The following MACIR variants were observed in gnomAD, a reference collection of about 807,000 sequenced individuals.
MACIR encodes the protein macrophage immunometabolism regulator.
Under a neutral mutation model 14.3 loss-of-function variants are expected in MACIR, and 4 were observed. The observed-to-expected ratio is 0.28, with a 90% CI of 0.14 to 0.64. MACIR has a LOEUF of 0.64. MACIR is among the 30% of genes least tolerant of loss of function. MACIR has a pLI of 0.83. For missense variants in MACIR, 228 were observed against 257.6 expected, an observed-to-expected ratio of 0.89 and a Z score of 0.79; for synonymous variants, 101 against 102.4, an observed-to-expected ratio of 0.99 and a Z score of 0.08.
At chr5:103,259,405 G>C (rs1804584613) in intron 1 of MACIR, 1 of 152,160 alleles carries the variant, frequency 6.6e-6, no homozygotes, top group South Asian at 2.1e-4. Flanking sequence ...GCGTTGGCGC[G>C]CACGCTCGCT....
Position 103,276,166 on chromosome 5 carries a change from A to G in MACIR, c.247A>G (p.Ser83Gly). Residue 83 changes from serine to glycine, a missense_variant, in exon 3 of 3, where the codon AGC becomes GGC. Coordinates refer to ENST00000319933, the MANE Select transcript of MACIR (RefSeq NM_033211.4). ...LAQKCTGGEE[S>G]KAEAMPSLRS... ...TCAGAAGTGCACAGGAGGTGAAGAG[A>G]GCAAAGCAGAAGCCATGCCATCCTT... is the stretch of plus-strand genomic sequence containing the variant. The G allele has an allele frequency of 6.2e-7, 1 of 1,613,902 alleles. No homozygotes were observed. Among genetic ancestry groups the G allele is most frequent in the Non-Finnish European group, 8.5e-7 (1 of 1,179,986 alleles).
Position 103,269,946 on chromosome 5 carries a change from A to C in MACIR, c.-24+3949A>C, listed in dbSNP as rs138928448. On this transcript the variant is annotated intron_variant, in intron 2 of 2. Transcript: ENST00000319933. ...ACATTTAGTTTGTAAATTTCTTTAA[A>C]GAGGTATCTAAGTGTTTTAAGTGAG... Among the ~76,000 whole-genome samples, 94 of 152,328 alleles carry C rather than the reference A, an allele frequency of 6.2e-4. 1 individual carries two copies. The highest frequency in any genetic ancestry group is 2.2e-3 in the African/African-American group (92 of 41,580).
At chr5:103,268,809 C>G (rs558041543) in intron 2 of MACIR, among the ~76,000 whole-genome samples, 2 of 151,880 alleles carry the variant, frequency 1.3e-5, no homozygotes, top group South Asian at 4.2e-4. Context: ...TAATTATGGG[C>G]ATTAACTATC....
chr5:103,276,692 A>G lies in MACIR; in HGVS notation c.*152A>G. ...TAAAAATTGTTTGGGTCAAATTTGAATACAGGAATGAAATCACAGGTACTT... is the reference window on the plus strand; with the variant it reads ...TAAAAATTGTTTGGGTCAAATTTGAGTACAGGAATGAAATCACAGGTACTT... On this transcript the variant is annotated 3_prime_UTR_variant, in exon 3 of 3. Transcript: ENST00000319933. 3.0e-6 allele frequency: 2 copies of G among 656,866 alleles called. No individual in the cohort carries two copies. The highest frequency in any genetic ancestry group is 4.9e-6 in the Non-Finnish European group (2 of 411,360). 40.7% of individuals were successfully genotyped at this position (656,866 alleles called of 1,614,324 possible).
chr5:103,268,777 T>G (rs1554236899), intron 2 of MACIR, among the ~76,000 whole-genome samples: 1 of 152,022 alleles, frequency 6.6e-6, no homozygotes, highest in African/African-American at 2.4e-5. Context: ...AACATGGACT[T>G]GGAGCCAGGG....
Position 103,259,219 on chromosome 5 carries a change from G to C in MACIR, c.-114+323G>C, listed in dbSNP as rs528195510. The C allele has an allele frequency of 5.2e-5, 8 of 152,536 alleles. No individual in the cohort carries two copies. The East Asian group carries it at 1.6e-3, about 30-fold the overall frequency. The allele number at this position is 152,536 out of a possible 1,614,324, so 9.4% of individuals were successfully genotyped here. On this transcript the variant is annotated intron_variant, in intron 1 of 2. Transcript: ENST00000319933. ...GGGTGGGGCCCGCGCGGGGTGCGGG[G>C]AGCTTGCGGTTCCCTGGCACAGGGG...
upstream of MACIR, chr5:103,258,652 T>G (rs1554235855): frequency 6.5e-6 from 1 of 153,096 alleles, no homozygotes; most frequent in Non-Finnish European, 1.5e-5. Context: ...GCTGCGCCTC[T>G]GCAGCCAGAG....
chr5:103,259,047 G>C (rs782661660), intron 1 of MACIR, 151 bp downstream of exon 1: 3 of 152,294 alleles, frequency 2.0e-5, no homozygotes, highest in Admixed American at 6.5e-5. Context: ...TCTCCGCCTC[G>C]TGTCTGGGCC....
intron 2 of MACIR, among the ~76,000 whole-genome samples, chr5:103,269,641 G>A (rs2149929004): frequency 6.6e-6 from 1 of 152,216 alleles, no homozygotes; most frequent in Middle Eastern, 3.4e-3. Flanking sequence ...TTTTCAAAAT[G>A]TTGCTCTTTG....
chr5:103,264,500 A>G (rs1225564078), intron 1 of MACIR, among the ~76,000 whole-genome samples: 1 of 152,282 alleles, frequency 6.6e-6, no homozygotes, highest in East Asian at 1.9e-4. Flanking sequence ...ATTATATTAA[A>G]TAAACATTTT....
At chr5:103,275,111 A>T (rs1270272246) in intron 2 of MACIR, among the ~76,000 whole-genome samples, 1 of 152,212 alleles carries the variant, frequency 6.6e-6, no homozygotes, top group African/African-American at 2.4e-5. Context: ...TGAAAAACAG[A>T]ATGTCAAGCC....
intron 1 of MACIR, among the ~76,000 whole-genome samples, chr5:103,263,710 T>G (rs1322365906): frequency 6.6e-6 from 1 of 152,166 alleles, no homozygotes. Flanking sequence ...TTCAGATATT[T>G]CTAATGTTCC....
chr5:103,271,310 G>A (rs1344415807), intron 2 of MACIR, among the ~76,000 whole-genome samples: 9 of 152,066 alleles, frequency 5.9e-5, no homozygotes, highest in African/African-American at 2.2e-4. Flanking sequence ...GAAAGTATTG[G>A]TATTTATGCT....
At position 103,277,381 on chromosome 5, in the gene MACIR, C is replaced by T. The variant is rs781980930; in HGVS notation, c.*841C>T. On this transcript the variant is annotated 3_prime_UTR_variant, in exon 3 of 3. Coordinates refer to ENST00000319933, the MANE Select transcript of MACIR (RefSeq NM_033211.4). The stretch of plus-strand genomic sequence containing the variant: ...CTGGAACTTTAAATGGGAAAGGATT[C>T]TTTTAATTGTGGATTATAGGCATAA... 1.7e-4 allele frequency: 28 copies of T among 166,978 alleles called. No individual in the cohort carries two copies. Among genetic ancestry groups the T allele is most frequent in the Admixed American group, 2.0e-4 (3 of 15,268 alleles). The allele number at this position is 166,978 out of a possible 1,614,324, so 10.3% of individuals were successfully genotyped here.
chr5:103,272,961 G>C (rs1486793659), intron 2 of MACIR, among the ~76,000 whole-genome samples: 1 of 152,044 alleles, frequency 6.6e-6, no homozygotes, highest in East Asian at 1.9e-4. Flanking sequence ...TCTGAGAATT[G>C]CTCATCAGAA....
chr5:103,269,819 A>G (rs896955688), intron 2 of MACIR, among the ~76,000 whole-genome samples: 4 of 152,196 alleles, frequency 2.6e-5, no homozygotes, highest in Non-Finnish European at 4.4e-5. Context: ...GTATTGGGGT[A>G]TTGAATGCTG....
intron 1 of MACIR, among the ~76,000 whole-genome samples, chr5:103,262,300 G>A (rs1165797812): frequency 2.6e-5 from 1 of 38,030 alleles, no homozygotes; most frequent in Non-Finnish European, 5.0e-5. Flanking sequence ...GGGTACACCC[G>A]AAGAAAGAAC....
intron 2 of MACIR, among the ~76,000 whole-genome samples, chr5:103,275,274 A>G (rs569149417): frequency 6.6e-6 from 1 of 152,236 alleles, no homozygotes; most frequent in Non-Finnish European, 1.5e-5. Flanking sequence ...GGAAGGAAGA[A>G]CATTTACAAG....
chr5:103,261,750 G>T (rs1335836336), intron 1 of MACIR, among the ~76,000 whole-genome samples: 1 of 122,546 alleles, frequency 8.2e-6, no homozygotes, highest in Non-Finnish European at 1.7e-5. Flanking sequence ...AAATGTTTTG[G>T]TGGGCTTCAG....
Sources: allele counts gnomAD v4.1 joint callset (sites outside exome capture counted in the v4.1 genomes callset), GRCh38; gene constraint gnomAD v4.1.1; transcripts MANE v1.5; gene names NCBI Gene and HGNC (gene_info 2026-07-23, HGNC 2026-07-21).